MACROD2: variants seen among roughly 807,000 people sequenced by gnomAD.
The protein encoded by MACROD2 is ADP-ribose glycohydrolase MACROD2.
In MACROD2, 36 loss-of-function variants were observed where a neutral mutation model predicts 70.4. The observed-to-expected ratio is 0.51, with a 90% CI of 0.39 to 0.68. The LOEUF is 0.68. MACROD2 is among the 30% of genes least tolerant of loss of function. The pLI, the probability that MACROD2 is intolerant of heterozygous loss-of-function variation, is 0.00. For synonymous variants in MACROD2, 172 were observed against 178.8 expected (o/e 0.96, Z 0.30); for missense variants, 496 against 538.4 (o/e 0.92, Z 0.78).
rs571381195 is a variant in MACROD2, at chr20:15,984,895, A to G, written c.986-1832A>G. ...TGGTCTTTCCTTGCCTCTGCCAGCC[A>G]CTTATGCTGCTGTTCTCTTAACTGC... On this transcript the variant is annotated intron_variant, in intron 13 of 17. Coordinates refer to ENST00000684519, the MANE Select transcript of MACROD2 (RefSeq NM_001351661.2). Among the ~76,000 whole-genome samples the G allele has an allele frequency of 1.9e-3, 286 of 152,210 alleles. 1 individual carries two copies. Among genetic ancestry groups the G allele is most frequent in the African/African-American group, 6.4e-3 (264 of 41,508 alleles).
intron 3 of MACROD2, among the ~76,000 whole-genome samples, chr20:14,402,977 T>G (rs1172107259): frequency 6.6e-6 from 1 of 152,194 alleles, no homozygotes; most frequent in Admixed American, 6.5e-5. Context: ...AGGCAAAATA[T>G]CTCGTGTATA....
intron 5 of MACROD2, among the ~76,000 whole-genome samples, chr20:15,064,518 A>G (rs934047552): frequency 2.6e-5 from 4 of 152,202 alleles, no homozygotes; most frequent in Admixed American, 1.3e-4. Context: ...TGAAACTTCT[A>G]ATGGGTTTCA....
intron 4 of MACROD2, among the ~76,000 whole-genome samples, chr20:14,614,906 G>A (rs551074859): frequency 6.6e-6 from 1 of 152,240 alleles, no homozygotes; most frequent in African/African-American, 2.4e-5. Context: ...TAAGTGCTGT[G>A]TTACAATTTA....
At chr20:15,403,598 C>T (rs1175935941) in intron 6 of MACROD2, among the ~76,000 whole-genome samples, 1 of 152,202 alleles carries the variant, frequency 6.6e-6, no homozygotes, top group African/African-American at 2.4e-5. Context: ...ATTTTCCAGA[C>T]TCCTTTGCAG....
At chr20:14,033,679 A>G (rs2053272831) in intron 2 of MACROD2, among the ~76,000 whole-genome samples, 1 of 152,212 alleles carries the variant, frequency 6.6e-6, no homozygotes, top group African/African-American at 2.4e-5. Flanking sequence ...CTTTCTTTCA[A>G]GCTCACACCC....
chr20:15,537,039 A>G (rs1193329702), intron 8 of MACROD2, among the ~76,000 whole-genome samples: 1 of 152,062 alleles, frequency 6.6e-6, no homozygotes, highest in Non-Finnish European at 1.5e-5. Flanking sequence ...CCATGTCCCC[A>G]CCCAAATCTC....
intron 8 of MACROD2, among the ~76,000 whole-genome samples, chr20:15,811,565 T>C (rs570460479): frequency 6.6e-6 from 1 of 152,322 alleles, no homozygotes; most frequent in Admixed American, 6.5e-5. Context: ...ACTTTAAATT[T>C]ACCTAGTTAT....
chr20:14,932,003 T>TAAA (rs11483683), intron 5 of MACROD2, among the ~76,000 whole-genome samples: 7 of 135,886 alleles, frequency 5.2e-5, no homozygotes, highest in African/African-American at 1.9e-4. Flanking sequence ...CCCTGTTTCT[T>TAAA]AAAAAAAAAA....
chr20:14,955,176 A>G (rs2074522667), intron 5 of MACROD2, among the ~76,000 whole-genome samples: 1 of 111,766 alleles, frequency 8.9e-6, no homozygotes, highest in African/African-American at 3.2e-5. Context: ...TTTATATAAT[A>G]TAATATATAA....
At chr20:14,129,117 C>T (rs1432582224) in intron 3 of MACROD2, among the ~76,000 whole-genome samples, 2 of 152,046 alleles carry the variant, frequency 1.3e-5, no homozygotes, top group African/African-American at 4.8e-5. Flanking sequence ...ATAGTGTTTC[C>T]TTTGATGGAT....
chr20:15,225,692 T>A (rs900669876), intron 5 of MACROD2, among the ~76,000 whole-genome samples: 2 of 152,230 alleles, frequency 1.3e-5, no homozygotes, highest in African/African-American at 2.4e-5. Context: ...CATGAAGGCC[T>A]TCTTTGTCTA....
At chr20:14,788,230 T>C (rs1185410671) in intron 5 of MACROD2, among the ~76,000 whole-genome samples, 1 of 152,068 alleles carries the variant, frequency 6.6e-6, no homozygotes, top group Non-Finnish European at 1.5e-5. Flanking sequence ...TTAGGGCGAC[T>C]TGCTGCAGCC....
At chr20:14,450,108 T>C (rs2084228355) in intron 3 of MACROD2, among the ~76,000 whole-genome samples, 1 of 152,058 alleles carries the variant, frequency 6.6e-6, no homozygotes, top group African/African-American at 2.4e-5. Flanking sequence ...ACAATGACAA[T>C]ATCTAATAGG....
intron 5 of MACROD2, among the ~76,000 whole-genome samples, chr20:15,011,811 G>A (rs2075084609): frequency 6.6e-6 from 1 of 152,174 alleles, no homozygotes; most frequent in Admixed American, 6.5e-5. Flanking sequence ...TTGGTCATGT[G>A]TTTTTAGCAA....
chr20:14,020,315 A>C (rs1448609886), intron 2 of MACROD2, among the ~76,000 whole-genome samples: 92 of 152,116 alleles, frequency 6.0e-4, no homozygotes, highest in Non-Finnish European at 4.0e-4. Context: ...CCTACTAAAA[A>C]TACAGAAATT....
intron 2 of MACROD2, among the ~76,000 whole-genome samples, chr20:14,014,834 G>T (rs1388139770): frequency 6.6e-6 from 1 of 151,554 alleles, no homozygotes; most frequent in Non-Finnish European, 1.5e-5. Context: ...ATAGGGTCTT[G>T]CTGTTGCCCA....
intron 6 of MACROD2, among the ~76,000 whole-genome samples, chr20:15,307,040 G>C (rs1368889512): frequency 2.0e-5 from 3 of 151,994 alleles, no homozygotes; most frequent in African/African-American, 7.2e-5. Flanking sequence ...AAACAACCAG[G>C]AAAGGGCACA....
chr20:15,304,588 A>T (rs187035124), intron 6 of MACROD2, among the ~76,000 whole-genome samples: 1 of 151,900 alleles, frequency 6.6e-6, no homozygotes, highest in African/African-American at 2.4e-5. Flanking sequence ...TGCCTTTACT[A>T]CATGCCCAGG....
chr20:14,222,958 CAAG>C (rs1177879338), intron 3 of MACROD2: 2 of 151,516 alleles, frequency 1.3e-5, no homozygotes, highest in Admixed American at 6.6e-5. Flanking sequence ...AGGAAAGAAA[CAAG>C]AAGGACAAGT....
Sources: gnomAD v4.1 joint callset for allele counts (sites outside exome capture counted in the v4.1 genomes callset) on GRCh38, gnomAD v4.1.1 for gene constraint, MANE v1.5 for transcripts, NCBI Gene and HGNC (gene_info 2026-07-23, HGNC 2026-07-21) for gene names.